Variants in ZNG1A observed in about 807,000 individuals in gnomAD.
ZNG1A encodes zinc-regulated GTPase metalloprotein activator 1A.
chr9:158,823 G>C, the ZNG1A span, among the ~76,000 whole-genome samples: 2 of 151,878 alleles, frequency 1.3e-5, no homozygotes, highest in African/African-American at 4.8e-5. Flanking sequence ...TATGCCCATA[G>C]GAAAGCCATA....
the ZNG1A span, chr9:159,870 T>G: frequency 2.8e-6 from 1 of 351,494 alleles, no homozygotes; most frequent in Admixed American, 3.9e-5. Context: ...ATTTTAGTTT[T>G]TAAAAAATTA....
At chr9:129,677 G>T in the ZNG1A span, among the ~76,000 whole-genome samples, 1 of 150,238 alleles carries the variant, frequency 6.7e-6, no homozygotes, top group Non-Finnish European at 1.5e-5. Flanking sequence ...ACGAAAATTG[G>T]GGGGGGCTGT....
chr9:156,775 C>T, the ZNG1A span, among the ~76,000 whole-genome samples: 3 of 151,270 alleles, frequency 2.0e-5, no homozygotes, highest in Non-Finnish European at 4.4e-5. Context: ...GGATTTCATA[C>T]TCCTGACCTT....
the ZNG1A span, among the ~76,000 whole-genome samples, chr9:140,338 C>T: frequency 3.3e-5 from 5 of 151,656 alleles, no homozygotes; most frequent in East Asian, 9.6e-4. Context: ...ACTGCCTCCT[C>T]AAGTGGGTCC....
At chr9:150,026 C>T in the ZNG1A span, 1 of 150,284 alleles carries the variant, frequency 6.7e-6, no homozygotes, top group Non-Finnish European at 1.5e-5. Context: ...CAGTACTTGT[C>T]AGCTACAAAA....
the ZNG1A span, among the ~76,000 whole-genome samples, chr9:173,545 TTTTA>T: frequency 0.028 from 4,284 of 151,986 alleles, 85 homozygotes; most frequent in African/African-American, 0.098. Flanking sequence ...TTATTTTAGC[TTTTA>T]TTTAAGATGA....
At chr9:128,697 G>C in the ZNG1A span, among the ~76,000 whole-genome samples, 8 of 149,838 alleles carry the variant, frequency 5.3e-5, no homozygotes, top group African/African-American at 2.0e-4. Flanking sequence ...TTTCTTCTTA[G>C]TTTGGATCCA....
the ZNG1A span, chr9:153,853 T>C: frequency 1.7e-4 from 26 of 151,584 alleles, no homozygotes; most frequent in Admixed American, 7.2e-4. Context: ...ATACTAAGAA[T>C]AGTAATTTTG....
chr9:171,649 G>C, the ZNG1A span: 1 of 216,668 alleles, frequency 4.6e-6, no homozygotes, highest in Non-Finnish European at 9.2e-6. Flanking sequence ...ATGGGAGGAT[G>C]TGCATAGCTT....
chr9:125,223 T>A, the ZNG1A span, among the ~76,000 whole-genome samples: 1 of 151,336 alleles, frequency 6.6e-6, no homozygotes, highest in East Asian at 1.9e-4. Flanking sequence ...ATCTACTATT[T>A]TTTTGATTTT....
chr9:152,222 A>G, the ZNG1A span: 1 of 382,026 alleles, frequency 2.6e-6, no homozygotes, highest in Non-Finnish European at 4.8e-6. Flanking sequence ...AAAACAGAAA[A>G]ACAAAACTTG....
the ZNG1A span, among the ~76,000 whole-genome samples, chr9:171,233 G>C: frequency 6.6e-6 from 1 of 151,830 alleles, no homozygotes. Context: ...GAACTCTCAG[G>C]ATACTTCAAT....
At chr9:161,121 C>CTA in the ZNG1A span, among the ~76,000 whole-genome samples, 1 of 151,960 alleles carries the variant, frequency 6.6e-6, no homozygotes, top group Non-Finnish European at 1.5e-5. Flanking sequence ...CCTGACATAT[C>CTA]CCCTTAGAGC....
At chr9:174,104 G>A in the ZNG1A span, among the ~76,000 whole-genome samples, 3 of 146,774 alleles carry the variant, frequency 2.0e-5, no homozygotes, top group African/African-American at 2.6e-5. Flanking sequence ...CCGAGACTGC[G>A]CCACTGCACT....
At chr9:163,147 T>C in the ZNG1A span, among the ~76,000 whole-genome samples, 1 of 152,220 alleles carries the variant, frequency 6.6e-6, no homozygotes, top group South Asian at 2.1e-4. Context: ...TGATTATTAC[T>C]TTTGAAAAAG....
the ZNG1A span, among the ~76,000 whole-genome samples, chr9:171,431 G>A: frequency 1.3e-5 from 2 of 152,074 alleles, no homozygotes; most frequent in Admixed American, 6.5e-5. Flanking sequence ...GTTATTTGGG[G>A]AAAATAAGCA....
chr9:168,338 C>A, the ZNG1A span, among the ~76,000 whole-genome samples: 3 of 152,022 alleles, frequency 2.0e-5, 1 homozygote, highest in East Asian at 5.8e-4. Flanking sequence ...CTGCCACCTC[C>A]GTCTCCCGGG....
chr9:154,360 G>C, the ZNG1A span: 1 of 407,742 alleles, frequency 2.5e-6, no homozygotes, highest in Non-Finnish European at 4.3e-6. Context: ...GTAAAGACAG[G>C]AACTGACAGG....
the ZNG1A span, chr9:171,966 T>G: frequency 3.2e-6 from 5 of 1,544,534 alleles, no homozygotes; most frequent in South Asian, 3.5e-5. Flanking sequence ...CCAAAAAAAG[T>G]TTTTGGTTTA....
Sources: gnomAD v4.1 joint callset for allele counts (sites outside exome capture counted in the v4.1 genomes callset) on GRCh38, gnomAD v4.1.1 for gene constraint, MANE v1.5 for transcripts, NCBI Gene and HGNC (gene_info 2026-07-23, HGNC 2026-07-21) for gene names.